The following ABL2 variants were observed in gnomAD, a reference collection of about 807,000 sequenced individuals.
ABL2 encodes tyrosine-protein kinase ABL2.
ABL2 carries 49 observed loss-of-function variants against 107.7 expected under a neutral mutation model. That is an observed-to-expected ratio of 0.45 (90% confidence interval 0.36 to 0.58). ABL2 has a LOEUF of 0.58. Among genes scored for constraint, ABL2 ranks in the 20% least tolerant of loss-of-function variants. The pLI is 0.00. For missense variants in ABL2, 1,245 were observed against 1,457.0 expected (o/e 0.85, Z 2.37); for synonymous variants, 549 against 548.6 (o/e 1.00, Z -0.01).
intron 1 of ABL2, among the ~76,000 whole-genome samples, chr1:179,145,061 T>C (rs1657892018): frequency 6.6e-6 from 1 of 152,208 alleles, no homozygotes; most frequent in South Asian, 2.1e-4. Flanking sequence ...TAATGAAGTA[T>C]TATTTAGCCA....
chr1:179,116,032 G>T (rs1474570661), intron 8 of ABL2, among the ~76,000 whole-genome samples: 3 of 140,850 alleles, frequency 2.1e-5, no homozygotes, highest in African/African-American at 7.7e-5. Context: ...CACTTCCCTC[G>T]AAAAAAAAAA....
chr1:179,193,517 G>C (rs747120593), intron 1 of ABL2, among the ~76,000 whole-genome samples: 4 of 151,016 alleles, frequency 2.6e-5, no homozygotes, highest in Non-Finnish European at 5.9e-5. Flanking sequence ...CAATTCTCCT[G>C]CTTCAGCCTC....
intron 1 of ABL2, among the ~76,000 whole-genome samples, chr1:179,152,996 T>C (rs1346279944): frequency 6.6e-6 from 1 of 152,134 alleles, no homozygotes; most frequent in Non-Finnish European, 1.5e-5. Context: ...GACTAGAATG[T>C]AAGTGGGGTA....
At chr1:179,115,122 A>AG in intron 8 of ABL2, 92 bp from the exon 9 acceptor site, 4 of 1,219,664 alleles carry the variant, frequency 3.3e-6, no homozygotes, top group Non-Finnish European at 4.5e-6. Flanking sequence ...TTTAGGTAAC[A>AG]TTCACACACT....
At chr1:179,185,987 G>A (rs1490560572) in intron 1 of ABL2, among the ~76,000 whole-genome samples, 2 of 152,110 alleles carry the variant, frequency 1.3e-5, no homozygotes, top group East Asian at 1.9e-4. Context: ...GGCTCACCCT[G>A]TAATCCCAGC....
intron 1 of ABL2, among the ~76,000 whole-genome samples, chr1:179,206,891 C>T (rs1662001147): frequency 6.6e-6 from 1 of 152,160 alleles, no homozygotes; most frequent in African/African-American, 2.4e-5. Context: ...CATTACACTC[C>T]ACATACAAGC....
Position 179,118,652 on chromosome 1 carries a change from C to T in ABL2, c.1158G>A (p.Leu386=). ...AAGAAATCTGAGTGGCCATGTAGAG[C>T]AGCACAACTGCAGTCACCTCTTCTC... ...CNREEVTAVV[L]LYMATQISSA... is the part of the protein sequence containing the mutation. Residue 386 remains leucine, a synonymous_variant, in exon 7 of 12, where the codon CTG becomes CTA. Transcript: ENST00000502732. The T allele has an allele frequency of 2.5e-6, 4 of 1,613,780 alleles. No individual in the cohort carries two copies. Among genetic ancestry groups the T allele is most frequent in the Non-Finnish European group, 3.4e-6 (4 of 1,179,982 alleles).
At chr1:179,229,205 C>CCCCCCCCCCCCCCCCA in intron 1 of ABL2, 36 bp downstream of exon 1, 1 of 1,461,768 alleles carries the variant, frequency 6.8e-7, no homozygotes, top group Non-Finnish European at 9.1e-7. Context: ...CCCCGGCCTC[C>CCCCCCCCCCCCCCCCA]CCCACGCTCT....
chr1:179,208,442 G>A (rs1448605545), intron 1 of ABL2, among the ~76,000 whole-genome samples: 1 of 152,144 alleles, frequency 6.6e-6, no homozygotes, highest in African/African-American at 2.4e-5. Context: ...TTAGGATAAT[G>A]GCCTTCAGCT....
At chr1:179,196,366 T>C (rs546723966) in intron 1 of ABL2, 109 of 152,306 alleles carry the variant, frequency 7.2e-4, no homozygotes, top group African/African-American at 2.4e-3. Context: ...TTTTAAAACA[T>C]TTACAAGCCA....
rs779185709 is a variant in ABL2 at position 179,110,376 on chromosome 1, G to C, written c.1731C>G (p.Ser577=). ...PYLPRLPILP[S]KTRTLKKQVE... The stretch of plus-strand genomic sequence containing the variant: ...CCTGTTTCTTCAGTGTCCGAGTCTT[G>C]GAAGGAAGTATAGGTAGCCGGGGCA... Residue 577 remains serine (S), a synonymous_variant, in exon 11 of 12, where the codon TCC becomes TCG. Transcript: ENST00000502732. 2 of 1,614,178 alleles carry C rather than the reference G, an allele frequency of 1.2e-6. No homozygotes were observed. Among genetic ancestry groups the C allele is most frequent in the Admixed American group, 3.3e-5 (2 of 60,028 alleles).
At chr1:179,166,499 C>A (rs1659392058) in intron 1 of ABL2, among the ~76,000 whole-genome samples, 1 of 151,742 alleles carries the variant, frequency 6.6e-6, no homozygotes, top group African/African-American at 2.4e-5. Context: ...ATGTTCCTGG[C>A]AGGGCGCGGT....
Position 179,114,947 on chromosome 1 carries a change from G to GT in ABL2, c.1491dup (p.Leu498ThrfsTer11), listed in dbSNP as rs1654480608. On this transcript the variant is annotated frameshift_variant, in exon 9 of 12. Coordinates refer to ENST00000502732, the MANE Select transcript of ABL2 (RefSeq NM_007314.4). LOFTEE classifies it high-confidence loss of function. ...TGTTCCATTCGATATCCTTTTTCTA[G>GT]TAGGTCATAGACCTGAGACAGGTCA... 6.2e-7 allele frequency: 1 copy of GT among 1,612,038 alleles called. No homozygotes were observed. Among genetic ancestry groups the GT allele is most frequent in the Non-Finnish European group, 8.5e-7 (1 of 1,179,268 alleles).
At chr1:179,137,801 T>G (rs1657177525) in intron 1 of ABL2, 1 of 152,248 alleles carries the variant, frequency 6.6e-6, no homozygotes, top group Non-Finnish European at 1.5e-5. Context: ...AATCAGGAGC[T>G]GGCCAAGAAC....
chr1:179,187,558 G>A (rs1484750820), intron 1 of ABL2, among the ~76,000 whole-genome samples: 1 of 152,144 alleles, frequency 6.6e-6, no homozygotes, highest in Non-Finnish European at 1.5e-5. Context: ...AAAGGTATTG[G>A]AGTTTCTTTG....
In ABL2 at chr1:179,100,149, A is replaced by G. The variant is rs899646270; in HGVS notation, c.*7569T>C. Reference sequence around the variant, plus strand: ...TCTAGTTTCTGAATACTGATTGACAATTGGCCTAATCATGGTGATTTCTCA... The same window carrying G: ...TCTAGTTTCTGAATACTGATTGACAGTTGGCCTAATCATGGTGATTTCTCA... On this transcript the variant is annotated 3_prime_UTR_variant, in exon 12 of 12. Transcript: ENST00000502732. 4.3e-6 allele frequency: 1 copy of G among 230,602 alleles called. No homozygotes were observed. Among genetic ancestry groups the G allele is most frequent in the African/African-American group, 2.2e-5 (1 of 45,232 alleles). The allele number at this position is 230,602 out of a possible 1,614,324, so 14.3% of individuals were successfully genotyped here.
At chr1:179,216,450 T>G (rs1000602255) in intron 1 of ABL2, among the ~76,000 whole-genome samples, 2 of 152,190 alleles carry the variant, frequency 1.3e-5, no homozygotes, top group Admixed American at 1.3e-4. Context: ...CTCTTTTTAG[T>G]TGTTTCGTAA....
At position 179,104,182 on chromosome 1, in the gene ABL2, T is replaced by C. The variant is rs2102563884; in HGVS notation, c.*3536A>G. 1 of 231,462 alleles carries C rather than the reference T, an allele frequency of 4.3e-6. No homozygotes were observed. The highest frequency in any genetic ancestry group is 1.8e-4 in the South Asian group (1 of 5,514). 14.3% of individuals were successfully genotyped at this position (231,462 alleles called of 1,614,324 possible). ...GCACTTGAGCTAAGTATCTTACAAA[T>C]ATCATCTCATTTAATCCTTACAACA... On this transcript the variant is annotated 3_prime_UTR_variant, in exon 12 of 12. Transcript: ENST00000502732.
chr1:179,207,350 T>C (rs1186142627), intron 1 of ABL2, among the ~76,000 whole-genome samples: 7 of 152,112 alleles, frequency 4.6e-5, no homozygotes, highest in Non-Finnish European at 1.0e-4. Flanking sequence ...CTATACATTA[T>C]AAGTCCAGAA....
Sources: allele counts gnomAD v4.1 joint callset (sites outside exome capture counted in the v4.1 genomes callset), GRCh38; gene constraint gnomAD v4.1.1; transcripts MANE v1.5; gene names NCBI Gene and HGNC (gene_info 2026-07-23, HGNC 2026-07-21).